Variants in KCNMA1 observed in about 807,000 individuals in gnomAD.
The protein encoded by KCNMA1 is potassium calcium-activated channel subfamily M alpha 1.
In KCNMA1, 29 loss-of-function variants were observed where a neutral mutation model predicts 140.0. The ratio of observed to expected loss-of-function variants is 0.21; its 90% CI spans 0.15 to 0.28. The LOEUF is 0.28. KCNMA1 is among the 10% of genes least tolerant of loss of function. The probability of loss-of-function intolerance (pLI) is 1.00; values close to 1 mark genes in which losing one functional copy is unlikely to be tolerated. For missense variants in KCNMA1, 880 were observed against 1,602.2 expected, an observed-to-expected ratio of 0.55 and a Z score of 7.70; for synonymous variants, 612 against 611.9, an observed-to-expected ratio of 1.00 and a Z score of 0.00.
chr10:77,240,329 A>G (rs1427895011), intron 3 of KCNMA1, among the ~76,000 whole-genome samples: 1 of 152,166 alleles, frequency 6.6e-6, no homozygotes, highest in African/African-American at 2.4e-5. Flanking sequence ...TGTGGCATAC[A>G]GTATTTGCCT....
chr10:77,084,055 C>G (rs1365689824), intron 12 of KCNMA1, among the ~76,000 whole-genome samples: 1 of 152,114 alleles, frequency 6.6e-6, no homozygotes, highest in Non-Finnish European at 1.5e-5. Flanking sequence ...AATCAATATG[C>G]CGTAGACACA....
At chr10:77,249,756 T>C (rs1004983309) in intron 3 of KCNMA1, 2 of 152,144 alleles carry the variant, frequency 1.3e-5, no homozygotes, top group Admixed American at 1.3e-4. Flanking sequence ...CCAGAATCAT[T>C]AACAGTAAAT....
intron 13 of KCNMA1, among the ~76,000 whole-genome samples, chr10:77,074,299 C>T (rs114542463): frequency 4.3e-4 from 65 of 152,256 alleles, no homozygotes; most frequent in African/African-American, 1.6e-3. Context: ...TAGAAGTGCT[C>T]CCCAGATCAA....
At chr10:77,268,750 G>T (rs181928472) in intron 2 of KCNMA1, among the ~76,000 whole-genome samples, 1 of 152,284 alleles carries the variant, frequency 6.6e-6, no homozygotes, top group East Asian at 1.9e-4. Flanking sequence ...GGAGTAGTGG[G>T]AGCCCATCGC....
intron 5 of KCNMA1, among the ~76,000 whole-genome samples, chr10:77,158,608 G>T (rs2098517990): frequency 6.6e-6 from 1 of 152,100 alleles, no homozygotes; most frequent in Admixed American, 6.5e-5. Context: ...TGGGGTCAAA[G>T]CCAGGCTAAC....
intron 25 of KCNMA1, among the ~76,000 whole-genome samples, chr10:76,909,055 G>A (rs1366766006): frequency 6.6e-6 from 1 of 152,050 alleles, no homozygotes; most frequent in African/African-American, 2.4e-5. Context: ...TTGATCCCTG[G>A]GCCAGCCCAC....
At chr10:77,551,504 T>C (rs2062833637) in intron 1 of KCNMA1, among the ~76,000 whole-genome samples, 1 of 152,166 alleles carries the variant, frequency 6.6e-6, no homozygotes, top group Non-Finnish European at 1.5e-5. Flanking sequence ...GGATCCCAAA[T>C]CCCTGTGCCC....
intron 2 of KCNMA1, among the ~76,000 whole-genome samples, chr10:77,282,116 T>C (rs1377075909): frequency 1.3e-5 from 2 of 152,208 alleles, no homozygotes; most frequent in Non-Finnish European, 2.9e-5. Flanking sequence ...TTAGTAACTA[T>C]CACTTAGTCT....
intron 9 of KCNMA1, among the ~76,000 whole-genome samples, chr10:77,106,538 T>TA (rs5786261): frequency 0.65 from 96,365 of 148,346 alleles, 31,203 homozygotes; most frequent in African/African-American, 0.71. Context: ...ATTATTTCAT[T>TA]AAAAAAAAAA....
chr10:76,905,977 C>T (rs904132085), intron 25 of KCNMA1, among the ~76,000 whole-genome samples: 5 of 152,202 alleles, frequency 3.3e-5, no homozygotes, highest in African/African-American at 9.6e-5. Flanking sequence ...CCGCTCTAAT[C>T]GCTTTACAAC....
chr10:76,945,753 A>G (rs1266271047), intron 22 of KCNMA1, among the ~76,000 whole-genome samples: 1 of 152,034 alleles, frequency 6.6e-6, no homozygotes, highest in Non-Finnish European at 1.5e-5. Flanking sequence ...ATAGAGGGGG[A>G]AGTGAAAAAA....
intron 2 of KCNMA1, among the ~76,000 whole-genome samples, chr10:77,265,492 G>T (rs2063182353): frequency 6.6e-6 from 1 of 151,966 alleles, no homozygotes; most frequent in African/African-American, 2.4e-5. Flanking sequence ...TTTGAACATG[G>T]GTATAAAAAC....
intron 1 of KCNMA1, among the ~76,000 whole-genome samples, chr10:77,479,764 A>G (rs1475230563): frequency 6.6e-6 from 1 of 152,176 alleles, no homozygotes; most frequent in African/African-American, 2.4e-5. Context: ...TCTTTGCAGC[A>G]CTAAGAAGAT....
intron 5 of KCNMA1, among the ~76,000 whole-genome samples, chr10:77,176,754 A>G (rs2098754499): frequency 6.6e-6 from 1 of 152,138 alleles, no homozygotes; most frequent in Non-Finnish European, 1.5e-5. Context: ...GAATAATAAT[A>G]TGCCCCTTTT....
chr10:77,206,816 A>AGGGGGGGGGGGGGGGG (rs202180223), intron 3 of KCNMA1, among the ~76,000 whole-genome samples: 2 of 48,620 alleles, frequency 4.1e-5, no homozygotes, highest in African/African-American at 9.6e-5. Flanking sequence ...GCAGGGAGGG[A>AGGGGGGGGGGGGGGGG]GGGGGGGGCG....
intron 3 of KCNMA1, among the ~76,000 whole-genome samples, chr10:77,201,473 T>C (rs2042440417): frequency 1.3e-5 from 2 of 152,144 alleles, no homozygotes; most frequent in South Asian, 4.1e-4. Flanking sequence ...TTCCCTAAAG[T>C]GGCAGCCACC....
intron 1 of KCNMA1, chr10:77,636,826 C>T: frequency 7.0e-7 from 1 of 1,435,668 alleles, no homozygotes; most frequent in Non-Finnish European, 9.1e-7. Context: ...AAAGTATGGG[C>T]GGATGTGCTC....
intron 3 of KCNMA1, among the ~76,000 whole-genome samples, chr10:77,224,901 A>G (rs1408419731): frequency 6.6e-6 from 1 of 152,200 alleles, no homozygotes; most frequent in Non-Finnish European, 1.5e-5. Context: ...TAAGCACTCA[A>G]CATACTTCCC....
At chr10:77,421,393 C>A (rs941531431) in intron 1 of KCNMA1, among the ~76,000 whole-genome samples, 3 of 152,232 alleles carry the variant, frequency 2.0e-5, no homozygotes, top group Non-Finnish European at 4.4e-5. Context: ...ACACTCAAGG[C>A]ATTTGCAAGT....
Sources: allele counts gnomAD v4.1 joint callset (sites outside exome capture counted in the v4.1 genomes callset), GRCh38; gene constraint gnomAD v4.1.1; transcripts MANE v1.5; gene names NCBI Gene and HGNC (gene_info 2026-07-23, HGNC 2026-07-21).